MLLT3: variants seen among roughly 807,000 people sequenced by gnomAD.
MLLT3 encodes MLLT3 super elongation complex subunit.
MLLT3 carries 4 observed loss-of-function variants against 53.2 expected under a neutral mutation model. The ratio of observed to expected loss-of-function variants is 0.08; its 90% CI spans 0.04 to 0.17. MLLT3 has a LOEUF of 0.17. Among genes scored for constraint, MLLT3 ranks in the 10% least tolerant of loss-of-function variants. The pLI, the probability that MLLT3 is intolerant of heterozygous loss-of-function variation, is 1.00. For missense variants in MLLT3, 569 were observed against 684.0 expected, an observed-to-expected ratio of 0.83 and a Z score of 1.87; for synonymous variants, 283 against 230.6, an observed-to-expected ratio of 1.23 and a Z score of -2.06.
chr9:20,364,483 A>T (rs561408553), intron 6 of MLLT3, among the ~76,000 whole-genome samples: 5 of 152,328 alleles, frequency 3.3e-5, no homozygotes, highest in African/African-American at 9.6e-5. Context: ...ATGAAGAAAG[A>T]GAGACACTTT....
chr9:20,600,158 C>G (rs112204355), intron 2 of MLLT3, among the ~76,000 whole-genome samples: 70 of 141,342 alleles, frequency 5.0e-4, no homozygotes, highest in African/African-American at 1.7e-3. Context: ...AAAAAAAACA[C>G]TTAGTTCAAA....
chr9:20,593,488 T>C (rs1279660313), intron 2 of MLLT3, among the ~76,000 whole-genome samples: 2 of 152,216 alleles, frequency 1.3e-5, no homozygotes. Flanking sequence ...TTTATACAAA[T>C]AATCACGCCA....
At chr9:20,382,248 C>A (rs1172533106) in intron 5 of MLLT3, 1 of 151,788 alleles carries the variant, frequency 6.6e-6, no homozygotes, top group Non-Finnish European at 1.5e-5. Flanking sequence ...TCCCTCTCAC[C>A]CCATTTTTCA....
chr9:20,441,804 T>G (rs1823561862), intron 4 of MLLT3, among the ~76,000 whole-genome samples: 1 of 152,176 alleles, frequency 6.6e-6, no homozygotes, highest in African/African-American at 2.4e-5. Context: ...TTATTTTCTT[T>G]GAGTCATTTT....
At chr9:20,397,346 T>C (rs1053368083) in intron 5 of MLLT3, among the ~76,000 whole-genome samples, 12 of 152,144 alleles carry the variant, frequency 7.9e-5, no homozygotes, top group Admixed American at 4.6e-4. Context: ...AACAACTACA[T>C]TGGCTTCTCA....
chr9:20,542,262 G>C, intron 2 of MLLT3, among the ~76,000 whole-genome samples: 1 of 60,204 alleles, frequency 1.7e-5, no homozygotes, highest in Non-Finnish European at 3.2e-5. Flanking sequence ...TTTTTTTTTT[G>C]AGACGGAGTC....
chr9:20,401,226 G>C (rs1563951209), intron 5 of MLLT3, among the ~76,000 whole-genome samples: 1 of 152,060 alleles, frequency 6.6e-6, no homozygotes, highest in African/African-American at 2.4e-5. Flanking sequence ...CTTAAGCATT[G>C]TATTATCCCC....
intron 2 of MLLT3, among the ~76,000 whole-genome samples, chr9:20,541,118 T>C (rs1289073170): frequency 1.3e-5 from 2 of 152,192 alleles, no homozygotes; most frequent in African/African-American, 4.8e-5. Context: ...TTTACTCCAG[T>C]TCCCAATAAG....
intron 8 of MLLT3, among the ~76,000 whole-genome samples, chr9:20,355,095 T>TTAAAA (rs1293545595): frequency 1.4e-4 from 9 of 64,140 alleles, no homozygotes; most frequent in African/African-American, 4.9e-4. Context: ...AAAGTAGAAC[T>TTAAAA]AAAAAAAAAA....
At chr9:20,517,369 C>A (rs1434405755) in intron 2 of MLLT3, among the ~76,000 whole-genome samples, 1 of 151,244 alleles carries the variant, frequency 6.6e-6, no homozygotes, top group Non-Finnish European at 1.5e-5. Context: ...AAATGGCACC[C>A]AGATTGAGGT....
chr9:20,507,404 G>A (rs933999943), intron 2 of MLLT3, among the ~76,000 whole-genome samples: 7 of 152,068 alleles, frequency 4.6e-5, no homozygotes, highest in African/African-American at 1.7e-4. Flanking sequence ...CTGCAGCCTA[G>A]GCTCAAAACT....
intron 4 of MLLT3, among the ~76,000 whole-genome samples, chr9:20,422,240 G>T (rs1823027399): frequency 6.6e-6 from 1 of 152,176 alleles, no homozygotes; most frequent in South Asian, 2.1e-4. Context: ...AAGGTCTCCT[G>T]TTATGAAATA....
chr9:20,463,288 G>C (rs76076288), intron 2 of MLLT3, among the ~76,000 whole-genome samples: 1 of 151,146 alleles, frequency 6.6e-6, no homozygotes, highest in Non-Finnish European at 1.5e-5. Flanking sequence ...GGGTGGGGGG[G>C]AGGAGAAATT....
chr9:20,445,851 CA>C (rs1183007629), intron 4 of MLLT3, among the ~76,000 whole-genome samples: 1 of 151,842 alleles, frequency 6.6e-6, no homozygotes, highest in Non-Finnish European at 1.5e-5. Flanking sequence ...AAACCCAGGC[CA>C]AAAAATAAGA....
chr9:20,468,626 G>C (rs1414256471), intron 2 of MLLT3, among the ~76,000 whole-genome samples: 1 of 152,160 alleles, frequency 6.6e-6, no homozygotes, highest in Non-Finnish European at 1.5e-5. Context: ...GGGAATCAGG[G>C]GACCTGGTTC....
intron 5 of MLLT3, among the ~76,000 whole-genome samples, chr9:20,381,820 ATAAGCTATATAAT>A (rs1563944208): frequency 6.6e-6 from 1 of 151,836 alleles, no homozygotes; most frequent in African/African-American, 2.4e-5. Context: ...TCAATGTATG[ATAAGCTATATAAT>A]TAAGAAAAAT....
intron 2 of MLLT3, among the ~76,000 whole-genome samples, chr9:20,572,591 C>T (rs1421949458): frequency 3.9e-5 from 6 of 152,234 alleles, no homozygotes; most frequent in African/African-American, 7.2e-5. Context: ...GTCAGGGATT[C>T]GAGGCCAGCC....
chr9:20,371,944 T>A (rs369758439), intron 5 of MLLT3, among the ~76,000 whole-genome samples: 4 of 152,146 alleles, frequency 2.6e-5, no homozygotes, highest in East Asian at 1.9e-4. Flanking sequence ...CAAGAGAAGA[T>A]CAAAATATGA....
intron 2 of MLLT3, among the ~76,000 whole-genome samples, chr9:20,475,908 G>A (rs1280944123): frequency 6.6e-6 from 1 of 152,040 alleles, no homozygotes; most frequent in African/African-American, 2.4e-5. Context: ...CAACAAAATT[G>A]TCCTACTGAA....
Sources: allele counts gnomAD v4.1 joint callset (sites outside exome capture counted in the v4.1 genomes callset), GRCh38; gene constraint gnomAD v4.1.1; transcripts MANE v1.5; gene names NCBI Gene and HGNC (gene_info 2026-07-23, HGNC 2026-07-21).